ARHGAP6: variants seen among roughly 807,000 people sequenced by gnomAD.
The protein encoded by ARHGAP6 is rho GTPase-activating protein 6.
ARHGAP6 carries 16 observed loss-of-function variants against 55.7 expected under a neutral mutation model. The observed-to-expected ratio is 0.29, with a 90% CI of 0.19 to 0.44. The LOEUF (loss-of-function observed/expected upper bound fraction) is 0.44, where lower values mean the gene tolerates loss of function less well. Ranked by LOEUF, ARHGAP6 falls within the 20% of genes least tolerant of loss-of-function variation. The pLI is 1.00. For missense variants in ARHGAP6, 698 were observed against 808.9 expected, an observed-to-expected ratio of 0.86 and a Z score of 1.66; for synonymous variants, 382 against 360.9, an observed-to-expected ratio of 1.06 and a Z score of -0.66.
At chrX:11,627,916 T>C (rs907948271) in intron 1 of ARHGAP6, among the ~76,000 whole-genome samples, 6 of 111,937 alleles carry the variant, frequency 5.4e-5, no homozygotes, top group African/African-American at 1.9e-4. Context: ...GTGTACACTA[T>C]TCAGAATAAA....
chrX:11,651,203 G>A (rs1243450537), intron 1 of ARHGAP6, among the ~76,000 whole-genome samples: 4 of 111,361 alleles, frequency 3.6e-5, no homozygotes, highest in South Asian at 3.8e-4. Flanking sequence ...CTTGTGTCAC[G>A]GGGGTTTAGC....
At chrX:11,309,204 C>A (rs1003494897) in intron 1 of ARHGAP6, among the ~76,000 whole-genome samples, 2 of 111,808 alleles carry the variant, frequency 1.8e-5, no homozygotes, top group African/African-American at 6.5e-5. Flanking sequence ...GCAGTAGGCA[C>A]GAAACACAGA....
At chrX:11,486,017 T>C (rs771504828) in intron 1 of ARHGAP6, among the ~76,000 whole-genome samples, 36 of 112,041 alleles carry the variant, frequency 3.2e-4, no homozygotes, top group Non-Finnish European at 5.4e-4. Context: ...TCTCAGTATA[T>C]AGAAATCACC....
At chrX:11,372,665 G>A (rs191134037) in intron 1 of ARHGAP6, among the ~76,000 whole-genome samples, 57 of 106,609 alleles carry the variant, frequency 5.3e-4, no homozygotes, top group Non-Finnish European at 9.5e-4. Context: ...CCAGCTACTC[G>A]GGAAGCTGAG....
intron 9 of ARHGAP6, among the ~76,000 whole-genome samples, chrX:11,162,338 C>CCG (rs1555962299): frequency 3.2e-5 from 3 of 94,271 alleles, no homozygotes; most frequent in Admixed American, 1.1e-4. Context: ...ACTGTGCCCC[C>CCG]CCCCCCATAT....
intron 1 of ARHGAP6, among the ~76,000 whole-genome samples, chrX:11,477,515 G>A (rs934054061): frequency 4.5e-5 from 5 of 111,662 alleles, no homozygotes; most frequent in Non-Finnish European, 9.4e-5. Flanking sequence ...ATTTACTCAA[G>A]AGAAAGGAAA....
In ARHGAP6 at chrX:11,454,110, A is replaced by ATT. The variant is rs1187605203; in HGVS notation, c.589-199405_589-199404dup. 3.6e-3 allele frequency among the ~76,000 whole-genome samples: 273 copies of ATT among 76,785 alleles called. 2 individuals carry two copies. Among genetic ancestry groups the ATT allele is most frequent in the Middle Eastern group, 9.1e-3 (1 of 110 alleles). 66.7% of individuals were successfully genotyped at this position (76,785 alleles called of 115,157 possible). Reference sequence around the variant, plus strand: ...AGGCTCCTGCCACCACGCACGGCTAATTTTTTTTTTTTTTTTTTTTTTTGT... The same window carrying ATT: ...AGGCTCCTGCCACCACGCACGGCTAATTTTTTTTTTTTTTTTTTTTTTTTTGT... On this transcript the variant is annotated intron_variant, in intron 1 of 12. Transcript: ENST00000337414.
intron 1 of ARHGAP6, chrX:11,294,636 T>G: frequency 3.1e-6 from 2 of 653,298 alleles, no homozygotes; most frequent in South Asian, 4.7e-5. Context: ...AAATCACATA[T>G]GACTGAAGTA....
At chrX:11,604,078 G>A (rs1304413147) in intron 1 of ARHGAP6, among the ~76,000 whole-genome samples, 1 of 111,383 alleles carries the variant, frequency 9.0e-6, no homozygotes, top group East Asian at 2.8e-4. Context: ...AACATCGGGA[G>A]ACCAGAGGAC....
intron 1 of ARHGAP6, among the ~76,000 whole-genome samples, chrX:11,548,799 G>C (rs889742811): frequency 9.1e-6 from 1 of 110,181 alleles, no homozygotes; most frequent in Admixed American, 9.7e-5. Context: ...AGTGGAGACG[G>C]GGTTTCACCA....
chrX:11,579,344 C>T (rs1294173460), intron 1 of ARHGAP6, among the ~76,000 whole-genome samples: 1 of 111,510 alleles, frequency 9.0e-6, no homozygotes, highest in Non-Finnish European at 1.9e-5. Context: ...GAGAATATAA[C>T]AAATCAGCCT....
At chrX:11,264,115 G>A (rs1171372660) in intron 1 of ARHGAP6, among the ~76,000 whole-genome samples, 2 of 110,095 alleles carry the variant, frequency 1.8e-5, no homozygotes, top group African/African-American at 6.6e-5. Flanking sequence ...CTGACCCCTG[G>A]ACTGGACTAA....
At chrX:11,539,929 G>T (rs1401953481) in intron 1 of ARHGAP6, among the ~76,000 whole-genome samples, 2 of 111,055 alleles carry the variant, frequency 1.8e-5, no homozygotes, top group Non-Finnish European at 3.8e-5. Flanking sequence ...TGGTTATCCA[G>T]GGACAAAAAG....
At chrX:11,419,701 G>A (rs111951797) in intron 1 of ARHGAP6, among the ~76,000 whole-genome samples, 139 of 112,345 alleles carry the variant, frequency 1.2e-3, no homozygotes, top group East Asian at 4.5e-3. Flanking sequence ...TGGAGCCCAC[G>A]TGCTCCACAA....
intron 1 of ARHGAP6, among the ~76,000 whole-genome samples, chrX:11,315,129 G>A (rs967618571): frequency 2.7e-5 from 3 of 112,392 alleles, no homozygotes; most frequent in Non-Finnish European, 5.6e-5. Context: ...TGCCCAGATG[G>A]AAAAACAAAA....
At chrX:11,222,110 C>A (rs2046980849) in intron 2 of ARHGAP6, among the ~76,000 whole-genome samples, 2 of 111,925 alleles carry the variant, frequency 1.8e-5, no homozygotes. Flanking sequence ...AAAGTAAAGA[C>A]AACTTTTCTA....
intron 2 of ARHGAP6, among the ~76,000 whole-genome samples, chrX:11,244,862 T>G (rs2047332313): frequency 8.9e-6 from 1 of 111,882 alleles, no homozygotes; most frequent in African/African-American, 3.2e-5. Flanking sequence ...AGACAAGACC[T>G]TGGATAGAAA....
intron 2 of ARHGAP6, among the ~76,000 whole-genome samples, chrX:11,228,996 T>C (rs113069677): frequency 0.026 from 2,954 of 112,470 alleles, 38 homozygotes; most frequent in Middle Eastern, 0.082. Flanking sequence ...GTTATATACA[T>C]GGTCAGTTAA....
intron 1 of ARHGAP6, among the ~76,000 whole-genome samples, chrX:11,519,379 T>A (rs1175792599): frequency 1.1e-4 from 12 of 110,052 alleles, no homozygotes; most frequent in African/African-American, 3.7e-4. Context: ...ATTTCTCTGA[T>A]GGCCAGTGAT....
Sources: gnomAD v4.1 joint callset for allele counts (sites outside exome capture counted in the v4.1 genomes callset) on GRCh38, gnomAD v4.1.1 for gene constraint, MANE v1.5 for transcripts, NCBI Gene and HGNC (gene_info 2026-07-23, HGNC 2026-07-21) for gene names.